ALK: variants seen among roughly 807,000 people sequenced by gnomAD.
ALK encodes the protein ALK tyrosine kinase receptor.
A neutral mutation model predicts 163.1 loss-of-function variants in ALK; 74 were observed. The observed-to-expected ratio is 0.45, with a 90% CI of 0.38 to 0.55. The LOEUF (loss-of-function observed/expected upper bound fraction) is 0.55, where lower values mean the gene tolerates loss of function less well. ALK is among the 20% of genes least tolerant of loss of function. The pLI, the probability that ALK is intolerant of heterozygous loss-of-function variation, is 0.00. For missense variants in ALK, 2,063 were observed against 2,105.3 expected (o/e 0.98, Z 0.39); for synonymous variants, 960 against 843.2 (o/e 1.14, Z -2.40).
chr2:29,762,234 ACACTTC>A (rs1391507020), intron 1 of ALK, among the ~76,000 whole-genome samples: 6 of 152,170 alleles, frequency 3.9e-5, no homozygotes, highest in Admixed American at 3.9e-4. Flanking sequence ...ACACCACTGA[ACACTTC>A]CATTAAACCA....
chr2:29,600,058 G>T (rs377125295), intron 3 of ALK, among the ~76,000 whole-genome samples: 127 of 152,312 alleles, frequency 8.3e-4, no homozygotes, highest in African/African-American at 2.9e-3. Context: ...ACAGAGCTCA[G>T]ATCCACATCA....
intron 1 of ALK, among the ~76,000 whole-genome samples, chr2:29,776,465 G>A (rs1420500451): frequency 8.4e-6 from 1 of 119,734 alleles, no homozygotes; most frequent in African/African-American, 2.6e-5. Context: ...GCTTCTCTCT[G>A]ATCCACTCTG....
chr2:29,317,486 G>A (rs980600929), intron 8 of ALK, among the ~76,000 whole-genome samples: 2 of 152,204 alleles, frequency 1.3e-5, no homozygotes, highest in African/African-American at 4.8e-5. Flanking sequence ...TTGATACAGT[G>A]TGCCAGGCAC....
At chr2:29,475,843 T>G (rs1278295695) in intron 4 of ALK, among the ~76,000 whole-genome samples, 1 of 148,186 alleles carries the variant, frequency 6.7e-6, no homozygotes, top group Non-Finnish European at 1.5e-5. Context: ...TGAAGAGGAA[T>G]TGTGCAAACT....
chr2:29,833,008 A>G (rs971048888), intron 1 of ALK, among the ~76,000 whole-genome samples: 5 of 152,142 alleles, frequency 3.3e-5, no homozygotes, highest in African/African-American at 1.2e-4. Flanking sequence ...GGGCATGGAA[A>G]GAAAGAGAGC....
rs1664681045 is a variant in ALK, at chr2:29,246,642, G to T, written c.2204+4463C>A. Reference sequence around the variant, plus strand: ...CTTCCTCAGTCCATGCCAGAGCGTGGATGTAGTCCCAGCGTTGCACCCGAC... The same window carrying T: ...CTTCCTCAGTCCATGCCAGAGCGTGTATGTAGTCCCAGCGTTGCACCCGAC... On this transcript the variant is annotated intron_variant, in intron 12 of 28. Coordinates refer to ENST00000389048, the MANE Select transcript of ALK (RefSeq NM_004304.5). The surrounding 1 kb of genome is among the most constrained non-coding windows in gnomAD (Gnocchi z 4.3). Among the ~76,000 whole-genome samples, 2 of 152,142 alleles carry T rather than the reference G, an allele frequency of 1.3e-5. No individual in the cohort carries two copies. The highest frequency in any genetic ancestry group is 4.8e-5 in the African/African-American group (2 of 41,426).
intron 8 of ALK, among the ~76,000 whole-genome samples, chr2:29,300,225 G>A (rs1389148437): frequency 2.6e-5 from 4 of 152,050 alleles, no homozygotes; most frequent in Admixed American, 2.0e-4. Flanking sequence ...CAAGAGTGGA[G>A]GAAGGTGGAA....
At chr2:29,676,911 T>C (rs920232950) in intron 3 of ALK, among the ~76,000 whole-genome samples, 4 of 152,050 alleles carry the variant, frequency 2.6e-5, no homozygotes, top group African/African-American at 4.8e-5. Flanking sequence ...GGAATTACTT[T>C]CTTAATTCCC....
intron 8 of ALK, among the ~76,000 whole-genome samples, chr2:29,305,997 G>A (rs779922114): frequency 2.0e-5 from 3 of 152,048 alleles, no homozygotes; most frequent in Admixed American, 6.5e-5. Flanking sequence ...GCGAGTGGGT[G>A]TAAATACAGA....
At chr2:29,706,268 C>T (rs1232060193) in intron 2 of ALK, among the ~76,000 whole-genome samples, 1 of 152,228 alleles carries the variant, frequency 6.6e-6, no homozygotes, top group Non-Finnish European at 1.5e-5. Flanking sequence ...CCCAGGGGGC[C>T]TGACTTCCAG....
intron 1 of ALK, among the ~76,000 whole-genome samples, chr2:29,867,208 G>A (rs775653967): frequency 6.6e-6 from 1 of 152,064 alleles, no homozygotes; most frequent in Non-Finnish European, 1.5e-5. Flanking sequence ...GCTCAAGTGA[G>A]CATGTCAAAG....
chr2:29,249,852 C>T (rs145187415), intron 12 of ALK, among the ~76,000 whole-genome samples: 1 of 152,310 alleles, frequency 6.6e-6, no homozygotes, highest in Non-Finnish European at 1.5e-5. Flanking sequence ...GGGATATTTA[C>T]TGGGGGTGTG....
At chr2:29,755,075 C>T (rs1680476717) in intron 1 of ALK, among the ~76,000 whole-genome samples, 1 of 78,762 alleles carries the variant, frequency 1.3e-5, no homozygotes, top group Non-Finnish European at 4.3e-5. Context: ...ACAGCAGCTT[C>T]TCTAAGGGTA....
At chr2:29,734,428 T>C (rs186812887) in intron 1 of ALK, among the ~76,000 whole-genome samples, 1 of 152,238 alleles carries the variant, frequency 6.6e-6, no homozygotes, top group Admixed American at 6.5e-5. Context: ...AACTCTAAAA[T>C]AGATCATTAA....
At chr2:29,840,126 C>A (rs567575530) in intron 1 of ALK, among the ~76,000 whole-genome samples, 134 of 152,290 alleles carry the variant, frequency 8.8e-4, no homozygotes, top group African/African-American at 3.1e-3. Context: ...ATATATGTCT[C>A]ATATATCCTA....
chr2:29,628,942 A>G (rs1676279457), intron 3 of ALK, among the ~76,000 whole-genome samples: 1 of 152,220 alleles, frequency 6.6e-6, no homozygotes, highest in African/African-American at 2.4e-5. Context: ...CATATATAGG[A>G]GCCAGTCATT....
At chr2:29,804,367 T>A (rs1420241219) in intron 1 of ALK, among the ~76,000 whole-genome samples, 1 of 152,244 alleles carries the variant, frequency 6.6e-6, no homozygotes, top group Non-Finnish European at 1.5e-5. Context: ...TGGGCCTGGA[T>A]ACAAGGTATG....
intron 9 of ALK, among the ~76,000 whole-genome samples, chr2:29,281,926 C>T (rs13422564): frequency 0.094 from 14,269 of 152,224 alleles, 706 homozygotes; most frequent in South Asian, 0.12. Flanking sequence ...ACCCTGCCAG[C>T]CTTAGGGATT....
intron 1 of ALK, among the ~76,000 whole-genome samples, chr2:29,804,551 G>A (rs913104253): frequency 2.0e-5 from 3 of 152,208 alleles, no homozygotes; most frequent in African/African-American, 4.8e-5. Flanking sequence ...AGAGGTTATC[G>A]AGCCATCATA....
Sources: allele counts gnomAD v4.1 joint callset (sites outside exome capture counted in the v4.1 genomes callset), GRCh38; gene constraint gnomAD v4.1.1; non-coding constraint Gnocchi (gnomAD v3.1); transcripts MANE v1.5; gene names NCBI Gene and HGNC (gene_info 2026-07-23, HGNC 2026-07-21).